RUNX1T1: variants seen among roughly 807,000 people sequenced by gnomAD.
The protein encoded by RUNX1T1 is RUNX1 partner transcriptional co-repressor 1.
A neutral mutation model predicts 62.8 loss-of-function variants in RUNX1T1; 4 were observed. That is an observed-to-expected ratio of 0.06 (90% CI 0.03 to 0.15). The LOEUF (loss-of-function observed/expected upper bound fraction) is 0.15, where lower values mean the gene tolerates loss of function less well. RUNX1T1 is among the 10% of genes least tolerant of loss of function. The probability of loss-of-function intolerance (pLI) is 1.00; values close to 1 mark genes in which losing one functional copy is unlikely to be tolerated. For missense variants in RUNX1T1, 508 were observed against 754.3 expected (o/e 0.67, Z 3.82); for synonymous variants, 291 against 286.0 (o/e 1.02, Z -0.18).
chr8:92,045,438 T>G (rs1829226632), intron 1 of RUNX1T1, among the ~76,000 whole-genome samples: 1 of 152,146 alleles, frequency 6.6e-6, no homozygotes, highest in Non-Finnish European at 1.5e-5. Flanking sequence ...AACCTATCAG[T>G]GAGATTATTC....
chr8:92,095,356 A>AAGGAGCGC, intron 1 of RUNX1T1: 1 of 1,535,026 alleles, frequency 6.5e-7, no homozygotes, highest in Non-Finnish European at 8.7e-7. Flanking sequence ...CCTTCTGGCA[A>AAGGAGCGC]AGGAGCGCGG....
chr8:92,059,595 A>G (rs1443089178), intron 1 of RUNX1T1, among the ~76,000 whole-genome samples: 1 of 152,208 alleles, frequency 6.6e-6, no homozygotes, highest in Admixed American at 6.5e-5. Flanking sequence ...GAAAATGCAG[A>G]TATGCTGTTA....
chr8:92,023,676 TTTCTCTGGTTC>T (rs1490525425), intron 1 of RUNX1T1, among the ~76,000 whole-genome samples: 1 of 152,218 alleles, frequency 6.6e-6, no homozygotes, highest in Non-Finnish European at 1.5e-5. Context: ...CTATAGTCAC[TTTCTCTGGTTC>T]TTCATTTCCC....
In RUNX1T1 at chr8:92,056,445, G is replaced by A. The variant is rs1831050299; in HGVS notation, c.7+6101C>T. Among the ~76,000 whole-genome samples, 3 of 152,070 alleles carry A rather than the reference G, an allele frequency of 2.0e-5. No individual in the cohort carries two copies. The South Asian group carries it at 6.2e-4, about 32-fold the overall frequency. On this transcript the variant is annotated intron_variant, in intron 1 of 10. Transcript: ENST00000396218. ...CTTTTAAAATTATTTTCTTCCATGA[G>A]TGTCAAGTACTCTGTATAATGTTAA...
chr8:92,028,938 T>C (rs747302671), intron 1 of RUNX1T1, among the ~76,000 whole-genome samples: 2 of 152,122 alleles, frequency 1.3e-5, no homozygotes, highest in Admixed American at 6.5e-5. Context: ...GAACTGACAA[T>C]TATTACTCTA....
chr8:92,097,345 T>A (rs1837828248), intron 1 of RUNX1T1, among the ~76,000 whole-genome samples: 2 of 152,224 alleles, frequency 1.3e-5, no homozygotes, highest in Non-Finnish European at 2.9e-5. Flanking sequence ...TTACATGTTT[T>A]AAATTTAATA....
At chr8:91,959,723 C>T (rs755212325) in exon 11 of RUNX1T1, 8 of 228,912 alleles carry the variant, frequency 3.5e-5, no homozygotes, top group South Asian at 3.6e-4. Flanking sequence ...TAGCAACCCA[C>T]GGACGCCATT....
exon 7 of RUNX1T1, chr8:91,986,946 T>C (rs759462241): frequency 5.6e-6 from 9 of 1,612,824 alleles, no homozygotes; most frequent in Non-Finnish European, 7.6e-6. Context: ...TGATCAATCA[T>C]TTCTTCTTGA....
intron 1 of RUNX1T1, among the ~76,000 whole-genome samples, chr8:92,020,819 C>A (rs1823936827): frequency 1.4e-5 from 2 of 146,732 alleles, no homozygotes; most frequent in Admixed American, 1.4e-4. Context: ...GTATGTTTCC[C>A]ATTTCCTTTT....
exon 11 of RUNX1T1, chr8:91,960,367 G>T: frequency 6.2e-7 from 1 of 1,614,134 alleles, no homozygotes. Context: ...CTGACTGCAG[G>T]TGTGTCTCCC....
exon 11 of RUNX1T1, chr8:91,960,151 A>G (rs900919105): frequency 1.1e-5 from 15 of 1,360,282 alleles, no homozygotes; most frequent in Non-Finnish European, 1.2e-5. Context: ...ATAAACAAAC[A>G]AACAAAAAAA....
intron 7 of RUNX1T1, 123 bp from the exon 9 acceptor site, chr8:91,986,448 G>A: frequency 1.4e-6 from 1 of 724,890 alleles, no homozygotes; most frequent in Non-Finnish European, 2.3e-6. Flanking sequence ...GAAGGTTTCA[G>A]TCTAGTATTT....
chr8:92,088,300 T>C (rs1339194618), intron 1 of RUNX1T1, among the ~76,000 whole-genome samples: 2 of 152,242 alleles, frequency 1.3e-5, no homozygotes, highest in South Asian at 4.1e-4. Flanking sequence ...GTACATAACA[T>C]ATGCATAGAC....
intron 1 of RUNX1T1, among the ~76,000 whole-genome samples, chr8:92,083,411 AC>A (rs777745941): frequency 2.6e-5 from 4 of 152,220 alleles, no homozygotes; most frequent in Non-Finnish European, 4.4e-5. Flanking sequence ...CAAGAAAAAA[AC>A]AACCCCATCA....
chr8:91,991,662 A>C, exon 6 of RUNX1T1: 1 of 1,613,976 alleles, frequency 6.2e-7, no homozygotes, highest in Non-Finnish European at 8.5e-7. Context: ...TCTGTCCCTG[A>C]GGTCCCTGTG....
At position 91,970,043 on chromosome 8, in the gene RUNX1T1, T is replaced by TGTGTGTTGTGTGTGTG. The variant is rs11374252; in HGVS notation, c.1458+614_1458+615insCACACACACAACACAC. ...CTGTGTGTGTGTGTGTGTGTGTGTG[T>TGTGTGTTGTGTGTGTG]TGTGTGTGTGTGTGTGAGAATTATT... On this transcript the variant is annotated intron_variant, in intron 10 of 10. Transcript: ENST00000396218. Among the ~76,000 whole-genome samples, 1,140 of 142,790 alleles carry TGTGTGTTGTGTGTGTG rather than the reference T, an allele frequency of 8.0e-3. 13 individuals are homozygous for TGTGTGTTGTGTGTGTG. The highest frequency in any genetic ancestry group is 0.033 in the South Asian group (145 of 4,422). 93.7% of individuals were successfully genotyped at this position (142,790 alleles called of 152,430 possible). A position where few individuals can be genotyped will look rare whatever the true frequency, so the allele number is the denominator to read the frequency against.
chr8:92,013,073 A>C (rs966353966), intron 3 of RUNX1T1, among the ~76,000 whole-genome samples: 3 of 152,238 alleles, frequency 2.0e-5, no homozygotes, highest in Non-Finnish European at 4.4e-5. Flanking sequence ...TTTCAAAAAA[A>C]AAAAATTTTG....
At chr8:91,977,502 T>C in intron 8 of RUNX1T1, 1 of 191,244 alleles carries the variant, frequency 5.2e-6, no homozygotes. Context: ...TACAGCTAAT[T>C]AGATTTATCA....
At chr8:92,096,093 T>G (rs1344450122) in intron 1 of RUNX1T1, among the ~76,000 whole-genome samples, 1 of 152,188 alleles carries the variant, frequency 6.6e-6, no homozygotes, top group Non-Finnish European at 1.5e-5. Context: ...CCCCTGCACA[T>G]TCACACACTC....
Sources: allele counts gnomAD v4.1 joint callset (sites outside exome capture counted in the v4.1 genomes callset), GRCh38; gene constraint gnomAD v4.1.1; transcripts MANE v1.5; gene names NCBI Gene and HGNC (gene_info 2026-07-23, HGNC 2026-07-21).